TNFSF4: variants seen among roughly 807,000 people sequenced by gnomAD.
TNFSF4 encodes TNF superfamily member 4.
A neutral mutation model predicts 7.3 loss-of-function variants in TNFSF4; 4 were observed. The observed-to-expected ratio is 0.55, with a 90% confidence interval of 0.27 to 1.25. TNFSF4 has a LOEUF of 1.25. Ranked by LOEUF, TNFSF4 falls within the 50% of genes most tolerant of loss-of-function variation. The probability of loss-of-function intolerance (pLI) is 0.12; values close to 1 mark genes in which losing one functional copy is unlikely to be tolerated. For missense variants in TNFSF4, 181 were observed against 208.8 expected (o/e 0.87, Z 0.82); for synonymous variants, 76 against 83.7 (o/e 0.91, Z 0.50).
At chr1:173,230,675 C>A in the TNFSF4 span, among the ~76,000 whole-genome samples, 2 of 151,972 alleles carry the variant, frequency 1.3e-5, no homozygotes, top group Admixed American at 6.6e-5. Context: ...AATTGACAGA[C>A]CACTAGCAAG....
the TNFSF4 span, among the ~76,000 whole-genome samples, chr1:173,361,927 C>T: frequency 6.6e-6 from 1 of 152,156 alleles, no homozygotes; most frequent in Non-Finnish European, 1.5e-5. Flanking sequence ...ACAATTCATG[C>T]TGGATATCTG....
chr1:173,443,374 T>C, the TNFSF4 span, among the ~76,000 whole-genome samples: 12 of 152,180 alleles, frequency 7.9e-5, no homozygotes, highest in African/African-American at 9.7e-5. Context: ...TAAATTTTGA[T>C]ACTCACATAC....
At chr1:173,349,786 T>C in the TNFSF4 span, among the ~76,000 whole-genome samples, 7 of 152,200 alleles carry the variant, frequency 4.6e-5, no homozygotes, top group African/African-American at 1.2e-4. Context: ...AAACTCTTTA[T>C]AGATTTTTAA....
chr1:173,366,825 T>A, the TNFSF4 span, among the ~76,000 whole-genome samples: 2 of 151,938 alleles, frequency 1.3e-5, no homozygotes, highest in Non-Finnish European at 2.9e-5. Flanking sequence ...ACACAAGAAT[T>A]TGCATAAATT....
chr1:173,342,289 C>G, the TNFSF4 span, among the ~76,000 whole-genome samples: 6 of 152,086 alleles, frequency 3.9e-5, no homozygotes, highest in Admixed American at 6.5e-5. Context: ...TAGGGCTACC[C>G]CTTCCCCATA....
At chr1:173,412,125 A>AG in the TNFSF4 span, among the ~76,000 whole-genome samples, 2 of 151,714 alleles carry the variant, frequency 1.3e-5, no homozygotes, top group Non-Finnish European at 2.9e-5. Flanking sequence ...AAGAAAAAAA[A>AG]AAAAAAAAAG....
At chr1:173,330,204 A>G in the TNFSF4 span, among the ~76,000 whole-genome samples, 1 of 152,142 alleles carries the variant, frequency 6.6e-6, no homozygotes, top group African/African-American at 2.4e-5. Flanking sequence ...AACATACTCA[A>G]AAATAATGAT....
chr1:173,251,169 G>C, the TNFSF4 span, among the ~76,000 whole-genome samples: 1 of 152,286 alleles, frequency 6.6e-6, no homozygotes, highest in Non-Finnish European at 1.5e-5. Context: ...AAAGCCGCCA[G>C]GTGTTTAATA....
chr1:173,396,906 C>T, the TNFSF4 span, among the ~76,000 whole-genome samples: 1 of 152,202 alleles, frequency 6.6e-6, no homozygotes, highest in Admixed American at 6.5e-5. Context: ...TTGCTCTTCT[C>T]TGTAGGCCAC....
the TNFSF4 span, among the ~76,000 whole-genome samples, chr1:173,422,968 A>G: frequency 1.1e-5 from 1 of 93,418 alleles, no homozygotes; most frequent in Non-Finnish European, 2.2e-5. Context: ...ACATATATAT[A>G]TGTACATTTT....
chr1:173,399,878 G>T, the TNFSF4 span, among the ~76,000 whole-genome samples: 1 of 152,182 alleles, frequency 6.6e-6, no homozygotes, highest in East Asian at 1.9e-4. Flanking sequence ...TGTCCAATAT[G>T]CCAGCAGCAG....
chr1:173,203,249 T>C (rs1650022083), intron 1 of TNFSF4, among the ~76,000 whole-genome samples: 1 of 152,216 alleles, frequency 6.6e-6, no homozygotes, highest in Non-Finnish European at 1.5e-5. Flanking sequence ...TAGGTTTCTG[T>C]TTTCTTATCT....
the TNFSF4 span, among the ~76,000 whole-genome samples, chr1:173,435,917 G>A: frequency 1.3e-5 from 2 of 152,132 alleles, no homozygotes; most frequent in South Asian, 4.1e-4. Flanking sequence ...AGAAAACCTA[G>A]TACACATCCA....
the TNFSF4 span, among the ~76,000 whole-genome samples, chr1:173,324,176 C>T: frequency 4.6e-5 from 7 of 152,202 alleles, no homozygotes; most frequent in East Asian, 1.3e-3. Context: ...GGCAGAAACC[C>T]TACAAGCCAG....
chr1:173,282,155 G>A, the TNFSF4 span, among the ~76,000 whole-genome samples: 1 of 152,082 alleles, frequency 6.6e-6, no homozygotes, highest in East Asian at 1.9e-4. Flanking sequence ...TAGTTAATAA[G>A]AATTTATTGT....
the TNFSF4 span, among the ~76,000 whole-genome samples, chr1:173,352,200 G>A: frequency 6.6e-6 from 1 of 152,164 alleles, no homozygotes; most frequent in Non-Finnish European, 1.5e-5. Context: ...CCCTGCCAGT[G>A]CTCAGGCAGA....
chr1:173,189,840 A>G (rs540832182), intron 1 of TNFSF4, among the ~76,000 whole-genome samples: 1 of 152,122 alleles, frequency 6.6e-6, no homozygotes, highest in African/African-American at 2.4e-5. Context: ...AGTAGGATTG[A>G]CCTCTACTTT....
At chr1:173,243,161 C>A in the TNFSF4 span, among the ~76,000 whole-genome samples, 1 of 152,148 alleles carries the variant, frequency 6.6e-6, no homozygotes, top group Non-Finnish European at 1.5e-5. Context: ...TTCCCCTTAA[C>A]TACTCTATAG....
At chr1:173,314,346 C>T in the TNFSF4 span, among the ~76,000 whole-genome samples, 2 of 152,070 alleles carry the variant, frequency 1.3e-5, no homozygotes, top group Admixed American at 1.3e-4. Flanking sequence ...CACCATTCTT[C>T]CCATTCTTGA....
Sources: allele counts gnomAD v4.1 joint callset (sites outside exome capture counted in the v4.1 genomes callset), GRCh38; gene constraint gnomAD v4.1.1; transcripts MANE v1.5; gene names NCBI Gene and HGNC (gene_info 2026-07-23, HGNC 2026-07-21).